The following RGS5 variants were observed in gnomAD, a reference collection of about 807,000 sequenced individuals.
The protein encoded by RGS5 is regulator of G-protein signalling 5.
Under a neutral mutation model 18.9 loss-of-function variants are expected in RGS5, and 20 were observed. The observed-to-expected ratio is 1.06, with a 90% CI of 0.74 to 1.54. The LOEUF (loss-of-function observed/expected upper bound fraction) is 1.54. RGS5 is among the 40% of genes most tolerant of loss of function. The probability of loss-of-function intolerance (pLI) is 0.00; values close to 1 mark genes in which losing one functional copy is unlikely to be tolerated. For missense variants in RGS5, 201 were observed against 211.8 expected, an observed-to-expected ratio of 0.95 and a Z score of 0.32; for synonymous variants, 57 against 76.2, an observed-to-expected ratio of 0.75 and a Z score of 1.31.
chr1:163,211,482 AT>A (rs1660101180), intron 1 of RGS5: 1 of 152,206 alleles, frequency 6.6e-6, no homozygotes, highest in Non-Finnish European at 1.5e-5. Flanking sequence ...TGGTGAAGGC[AT>A]AGAAGTTTAG....
At chr1:163,287,363 C>T (rs1330156686) in intron 2 of RGS5, among the ~76,000 whole-genome samples, 1 of 152,182 alleles carries the variant, frequency 6.6e-6, no homozygotes, top group East Asian at 1.9e-4. Flanking sequence ...TTCACCTATT[C>T]CCCCACCCCT....
In RGS5 at chr1:163,279,837, T is replaced by C. The variant is rs374923870; in HGVS notation, c.-281+26396A>G. ...TGAAAAAGGAGGGATTACAACTTGA[T>C]ACCAGAGAAATACAAATGATCATTA... On this transcript the variant is annotated intron_variant, in intron 2 of 5. Transcript: ENST00000618415. 3.9e-5 allele frequency among the ~76,000 whole-genome samples: 6 copies of C among 152,062 alleles called. No homozygotes were observed. The South Asian group carries it at 8.3e-4, about 21-fold the overall frequency.
chr1:163,174,962 T>C (rs1317872010), intron 1 of RGS5, among the ~76,000 whole-genome samples: 1 of 152,166 alleles, frequency 6.6e-6, no homozygotes, highest in Non-Finnish European at 1.5e-5. Flanking sequence ...TTAAATTCAA[T>C]GCAATTTAAA....
chr1:163,211,543 G>A (rs1428271185), intron 1 of RGS5: 1 of 152,054 alleles, frequency 6.6e-6, no homozygotes, highest in Non-Finnish European at 1.5e-5. Flanking sequence ...AATCGTGACT[G>A]GAAAACTATA....
chr1:163,168,082 C>T (rs191219328), intron 2 of RGS5, among the ~76,000 whole-genome samples, 176 bp downstream of exon 2: 2 of 151,596 alleles, frequency 1.3e-5, no homozygotes, highest in South Asian at 2.1e-4. Flanking sequence ...ATGCTCCAGA[C>T]ATGAGATAGT....
At chr1:163,187,552 C>T (rs1477155233) in intron 1 of RGS5, among the ~76,000 whole-genome samples, 1 of 152,092 alleles carries the variant, frequency 6.6e-6, no homozygotes, top group African/African-American at 2.4e-5. Flanking sequence ...CCTGACAGGT[C>T]CCGCCTCATA....
chr1:163,192,288 C>T (rs955557565), intron 1 of RGS5, among the ~76,000 whole-genome samples: 6 of 151,972 alleles, frequency 3.9e-5, no homozygotes, highest in African/African-American at 1.5e-4. Flanking sequence ...TGGGATATGA[C>T]GTTAACTCCA....
chr1:163,232,420 A>C (rs1277375580), intron 2 of RGS5, among the ~76,000 whole-genome samples: 1 of 152,186 alleles, frequency 6.6e-6, no homozygotes, highest in Admixed American at 6.5e-5. Flanking sequence ...AACTTTTTGT[A>C]GGAGATGTAG....
Position 163,168,351 on chromosome 1 carries a change from ATCT to A in RGS5, c.59_61del (p.Lys20del). 6.2e-7 allele frequency: 1 copy of A among 1,613,554 alleles called. No individual in the cohort carries two copies. The highest frequency in any genetic ancestry group is 8.5e-7 in the Non-Finnish European group (1 of 1,179,558). ...CTTCTGGAGGAGAATTCCCAACTTGATCTTAATCTCCTTGGCCCTGAAAGAAGA... is the reference window on the plus strand; with the variant it reads ...CTTCTGGAGGAGAATTCCCAACTTGATAATCTCCTTGGCCCTGAAAGAAGA... On this transcript the variant is annotated inframe_deletion, in exon 2 of 5. Transcript: ENST00000313961.
At chr1:163,188,371 A>G (rs1659184006) in intron 1 of RGS5, among the ~76,000 whole-genome samples, 3 of 152,214 alleles carry the variant, frequency 2.0e-5, no homozygotes, top group Admixed American at 1.3e-4. Flanking sequence ...AGGCACCCAC[A>G]AAAGGAAAAA....
intron 1 of RGS5, among the ~76,000 whole-genome samples, chr1:163,192,005 T>C (rs2136245): frequency 0.97 from 146,932 of 152,248 alleles, 70,983 homozygotes; most frequent in East Asian, 1. Flanking sequence ...GTGGTGTGCC[T>C]GAAGAAGTCA....
At chr1:163,166,882 CA>C (rs1052075389) in intron 2 of RGS5, among the ~76,000 whole-genome samples, 10 of 152,234 alleles carry the variant, frequency 6.6e-5, no homozygotes, top group African/African-American at 1.9e-4. Context: ...ACCAACGGAT[CA>C]ATAAATTGTC....
intron 3 of RGS5, among the ~76,000 whole-genome samples, chr1:163,155,406 T>A (rs78575020): frequency 0.012 from 1,797 of 152,340 alleles, 25 homozygotes; most frequent in Non-Finnish European, 0.018. Context: ...AATTCCACAA[T>A]ATTCTTTTAA....
At chr1:163,263,451 G>A (rs1360837866) in intron 2 of RGS5, among the ~76,000 whole-genome samples, 1 of 152,040 alleles carries the variant, frequency 6.6e-6, no homozygotes, top group Non-Finnish European at 1.5e-5. Context: ...TAATTATTAG[G>A]CTAAGTATAA....
At chr1:163,167,980 T>C (rs1279163412) in intron 2 of RGS5, among the ~76,000 whole-genome samples, 1 of 152,170 alleles carries the variant, frequency 6.6e-6, no homozygotes, top group African/African-American at 2.4e-5. Flanking sequence ...TTTATAAGTA[T>C]GGTCTGTCTA....
At chr1:163,260,423 G>A (rs1381276004) in intron 2 of RGS5, 1 of 152,022 alleles carries the variant, frequency 6.6e-6, no homozygotes, top group African/African-American at 2.4e-5. Flanking sequence ...GTTTTATTGA[G>A]CAAATATCAT....
chr1:163,163,919 A>G (rs992224459), intron 2 of RGS5, among the ~76,000 whole-genome samples: 5 of 152,222 alleles, frequency 3.3e-5, no homozygotes, highest in Non-Finnish European at 5.9e-5. Flanking sequence ...CAAAGGAAGA[A>G]GAAATGACAT....
At chr1:163,285,276 T>C (rs1460239653) in intron 2 of RGS5, among the ~76,000 whole-genome samples, 1 of 152,140 alleles carries the variant, frequency 6.6e-6, no homozygotes, top group African/African-American at 2.4e-5. Context: ...TGATATGGGC[T>C]GGGCACAGTG....
chr1:163,187,451 A>G (rs1659138724), intron 1 of RGS5, among the ~76,000 whole-genome samples: 1 of 152,136 alleles, frequency 6.6e-6, no homozygotes, highest in Admixed American at 6.5e-5. Context: ...GGCCTCAGGA[A>G]ACAGAATCTC....
Sources: allele counts gnomAD v4.1 joint callset (sites outside exome capture counted in the v4.1 genomes callset), GRCh38; gene constraint gnomAD v4.1.1; transcripts MANE v1.5; gene names NCBI Gene and HGNC (gene_info 2026-07-23, HGNC 2026-07-21).